Variants in CD34 observed in about 807,000 individuals in gnomAD.
CD34 encodes hematopoietic progenitor cell antigen CD34.
A neutral mutation model predicts 40.1 loss-of-function variants in CD34; 34 were observed. The ratio of observed to expected loss-of-function variants is 0.85; its 90% CI spans 0.65 to 1.13. The LOEUF (loss-of-function observed/expected upper bound fraction) is 1.13, where lower values mean the gene tolerates loss of function less well. Among genes scored for constraint, CD34 ranks in the 50% most tolerant of loss-of-function variants. CD34 has a pLI of 0.00. For synonymous variants in CD34, 209 were observed against 190.0 expected (o/e 1.10, Z -0.82); for missense variants, 426 against 466.9 (o/e 0.91, Z 0.81).
intron 3 of CD34, 45 bp from the exon 4 acceptor site, chr1:207,897,618 A>T: frequency 7.0e-7 from 1 of 1,419,444 alleles, no homozygotes; most frequent in Non-Finnish European, 9.7e-7. Flanking sequence ...TAAATAAGCC[A>T]GTATCTTTGC....
Position 207,889,530 on chromosome 1 carries a change from G to C in CD34, c.689C>G (p.Ser230Cys), listed in dbSNP as rs1425001481. Residue 230 changes from serine (S) to cysteine (C), a missense_variant, in exon 5 of 8, where the codon TCC becomes TGC. Physicochemically the swap from Ser to Cys is moderately radical, Grantham distance 112. Coordinates refer to ENST00000310833, the MANE Select transcript of CD34 (RefSeq NM_001025109.2). ...ADADAGAQVC[S>C]LLLAQSEVRP... ...CACCTCAGACTGGGCAAGGAGCAGG[G>C]AGCATACCTGGGCCCCAGCATCAGC... is the stretch of plus-strand genomic sequence containing the variant. 3 of 1,614,126 alleles carry C rather than the reference G, an allele frequency of 1.9e-6. No homozygotes were observed. In the Admixed American group the frequency reaches 5.0e-5, roughly 27 times the overall value.
At position 207,899,212 on chromosome 1, in the gene CD34, A is replaced by C. The variant is rs767549906; in HGVS notation, c.277T>G (p.Phe93Val). The C allele has an allele frequency of 1.9e-6, 3 of 1,614,156 alleles. No individual in the cohort carries two copies. The South Asian group carries it at 3.3e-5, about 18-fold the overall frequency. ...TTNITETTVK[F>V]TSTSVITSVY... ...GAGGTTATCACAGAGGTAGATGTGA[A>C]TTTGACTGTCGTTTCTGGAAGAGAC... Residue 93 changes from phenylalanine (F) to valine (V), a missense_variant, in exon 3 of 8, where the codon TTC (phenylalanine) becomes GTC (valine). Transcript: ENST00000310833.
Position 207,887,715 on chromosome 1 carries a change from C to A in CD34, c.*23G>T. ...GAGGGGTGCTCTCTCGGACACTGCC[C>A]AGCCTTGCCCCACCTAGCCGAGTCA... is the stretch of plus-strand genomic sequence containing the variant. On this transcript the variant is annotated 3_prime_UTR_variant, in exon 8 of 8. Transcript: ENST00000310833. The A allele has an allele frequency of 6.2e-7, 1 of 1,613,874 alleles. No homozygotes were observed. Among genetic ancestry groups the A allele is most frequent in the African/African-American group, 1.3e-5 (1 of 75,010 alleles).
intron 6 of CD34, 152 bp from the exon 7 acceptor site, chr1:207,888,998 T>C (rs1485579906): frequency 6.4e-6 from 6 of 934,672 alleles, no homozygotes; most frequent in African/African-American, 1.7e-5. Flanking sequence ...CTGACGTCTC[T>C]TAATTCAGTC....
intron 4 of CD34, chr1:207,889,895 A>T: frequency 6.5e-7 from 1 of 1,534,894 alleles, no homozygotes; most frequent in Non-Finnish European, 8.7e-7. Context: ...TCGTTGAAGC[A>T]TTGCCCATGT....
At chr1:207,896,908 A>G (rs1662160292) in intron 4 of CD34, among the ~76,000 whole-genome samples, 1 of 152,198 alleles carries the variant, frequency 6.6e-6, no homozygotes, top group Non-Finnish European at 1.5e-5. Context: ...TCTGAAGAGT[A>G]TGCCCTAAGA....
At chr1:207,888,011 G>A in intron 7 of CD34, 88 bp from the exon 8 acceptor site, 4 of 1,537,994 alleles carry the variant, frequency 2.6e-6, no homozygotes, top group Non-Finnish European at 2.6e-6. Flanking sequence ...GGAAGTGGGG[G>A]CAGGGGTGGG....
At chr1:207,890,347 T>A in intron 4 of CD34, 1 of 480,276 alleles carries the variant, frequency 2.1e-6, no homozygotes, top group Non-Finnish European at 2.7e-6. Context: ...CCTCCTCCCC[T>A]GAACAGGAAA....
intron 1 of CD34, among the ~76,000 whole-genome samples, chr1:207,908,557 C>T (rs114736069): frequency 0.011 from 1,695 of 152,254 alleles, 24 homozygotes; most frequent in African/African-American, 0.036. Context: ...GCACGAAGGA[C>T]CCAAAGGAAG....
intron 2 of CD34, 71 bp downstream of exon 2, chr1:207,899,750 A>G: frequency 7.0e-7 from 1 of 1,422,652 alleles, no homozygotes; most frequent in South Asian, 1.3e-5. Context: ...GAGCGGTCTG[A>G]AAACATCCTA....
intron 1 of CD34, among the ~76,000 whole-genome samples, chr1:207,907,039 T>C (rs1029836774): frequency 3.3e-5 from 5 of 151,990 alleles, no homozygotes; most frequent in Non-Finnish European, 1.5e-5. Context: ...CGCACTAGTA[T>C]ACCACTTCAC....
chr1:207,887,432 G>C lies in CD34; in HGVS notation c.*306C>G. 3.2e-6 allele frequency: 1 copy of C among 313,868 alleles called. No individual in the cohort carries two copies. Among genetic ancestry groups the C allele is most frequent in the East Asian group, 5.8e-5 (1 of 17,262 alleles). 19.4% of individuals were successfully genotyped at this position (313,868 alleles called of 1,614,324 possible). ...GCAGAGAGGAGGGGGTAGGGGAAGG[G>C]GGTCCTGTGTGAGTGCTGCAAGGCC... On this transcript the variant is annotated 3_prime_UTR_variant, in exon 8 of 8. Transcript: ENST00000310833.
chr1:207,889,404 C>A, intron 5 of CD34, 61 bp downstream of exon 5: 1 of 1,557,676 alleles, frequency 6.4e-7, no homozygotes, highest in South Asian at 1.2e-5. Flanking sequence ...CATCTCCACC[C>A]AGGATTCTCT....
rs1169078809 is a variant in CD34, at chr1:207,885,228, G to A, written c.*2510C>T. On this transcript the variant is annotated 3_prime_UTR_variant, in exon 8 of 8. Coordinates refer to ENST00000310833, the MANE Select transcript of CD34 (RefSeq NM_001025109.2). ...GCGATTGAGCTGAGGCTGAGCAGTA[G>A]GACCTCAATAAGGCCAGCAGGTGGC... 6.6e-6 allele frequency: 1 copy of A among 152,178 alleles called. No homozygotes were observed. The highest frequency in any genetic ancestry group is 2.4e-5 in the African/African-American group (1 of 41,428). 9.4% of individuals were successfully genotyped at this position (152,178 alleles called of 1,614,324 possible).
At position 207,911,062 on chromosome 1, in the gene CD34, C is replaced by A; in HGVS notation, c.19G>T (p.Ala7Ser). 6.3e-7 allele frequency: 1 copy of A among 1,588,812 alleles called. No homozygotes were observed. Among genetic ancestry groups the A allele is most frequent in the South Asian group, 1.1e-5 (1 of 88,156 alleles). Residue 7 changes from alanine (A) to serine (S), a missense_variant, in exon 1 of 8, where the codon GCG (alanine) becomes TCG (serine). Coordinates refer to ENST00000310833, the MANE Select transcript of CD34 (RefSeq NM_001025109.2). ...CGCGGCATCCTGGGCCCTGCGCGCG[C>A]GCCCCTGCGGACCAGCATCCTTCCC... MLVRRG[A>S]RAGPRMPRGW...
chr1:207,909,906 GA>G (rs895833116), intron 1 of CD34, among the ~76,000 whole-genome samples: 1 of 152,250 alleles, frequency 6.6e-6, no homozygotes, highest in African/African-American at 2.4e-5. Flanking sequence ...AGGAGACTGG[GA>G]ACAAAGAGGT....
At chr1:207,902,509 C>T (rs947037754) in intron 1 of CD34, among the ~76,000 whole-genome samples, 1 of 152,202 alleles carries the variant, frequency 6.6e-6, no homozygotes, top group Non-Finnish European at 1.5e-5. Context: ...CATCTGAATT[C>T]ATCCAAGGGG....
chr1:207,899,817 TTACC>T lies in CD34; in HGVS notation c.262_262+3del. The T allele has an allele frequency of 6.2e-7, 1 of 1,607,424 alleles. No individual in the cohort carries two copies. The highest frequency in any genetic ancestry group is 1.3e-5 in the African/African-American group (1 of 74,760). On this transcript the variant is annotated splice_donor_variant and splice_donor_region_variant and coding_sequence_variant and intron_variant, in exon 2 of 8. Coordinates refer to ENST00000310833, the MANE Select transcript of CD34 (RefSeq NM_001025109.2). LOFTEE classifies it high-confidence loss of function. ...CCGGGATCTGACACAAATGCTGTTT[TTACC>T]TGTGATGTTTGTTGTGGCCTCATTG...
At chr1:207,900,313 A>T (rs1322071233) in intron 1 of CD34, among the ~76,000 whole-genome samples, 1 of 152,208 alleles carries the variant, frequency 6.6e-6, no homozygotes, top group African/African-American at 2.4e-5. Flanking sequence ...TACCATAATC[A>T]TTATATAATC....
Sources: gnomAD v4.1 joint callset for allele counts (sites outside exome capture counted in the v4.1 genomes callset) on GRCh38, gnomAD v4.1.1 for gene constraint, MANE v1.5 for transcripts, NCBI Gene and HGNC (gene_info 2026-07-23, HGNC 2026-07-21) for gene names.